The following MYLK variants were observed in gnomAD, a reference collection of about 807,000 sequenced individuals.
The protein encoded by MYLK is myosin light chain kinase, smooth muscle.
A neutral mutation model predicts 203.4 loss-of-function variants in MYLK; 106 were observed. That is an observed-to-expected ratio of 0.52 (90% confidence interval 0.45 to 0.61). The LOEUF (loss-of-function observed/expected upper bound fraction) is 0.61. MYLK is among the 20% of genes least tolerant of loss of function. The probability of loss-of-function intolerance (pLI) is 0.00; values close to 1 mark genes in which losing one functional copy is unlikely to be tolerated. For missense variants in MYLK, 2,072 were observed against 2,442.3 expected, an observed-to-expected ratio of 0.85 and a Z score of 3.20; for synonymous variants, 867 against 959.5, an observed-to-expected ratio of 0.90 and a Z score of 1.78.
chr3:123,832,958 A>G (rs1248471965), intron 2 of MYLK, among the ~76,000 whole-genome samples: 1 of 152,150 alleles, frequency 6.6e-6, no homozygotes, highest in African/African-American at 2.4e-5. Context: ...GGAGAGAGAG[A>G]GGGTGGAAAC....
chr3:123,690,026 G>A (rs1476306056), intron 19 of MYLK, among the ~76,000 whole-genome samples: 2 of 152,136 alleles, frequency 1.3e-5, no homozygotes, highest in African/African-American at 2.4e-5. Context: ...TCAGATGTAT[G>A]GTCTCGATGG....
intron 27 of MYLK, among the ~76,000 whole-genome samples, chr3:123,644,848 C>T (rs945688503): frequency 3.3e-5 from 5 of 152,080 alleles, no homozygotes; most frequent in Non-Finnish European, 7.4e-5. Flanking sequence ...AATTCTTCAC[C>T]GCGTCTTTTA....
chr3:123,650,626 T>A (rs1478679026), intron 24 of MYLK, among the ~76,000 whole-genome samples: 1 of 152,112 alleles, frequency 6.6e-6, no homozygotes. Flanking sequence ...TAAAAAAGGA[T>A]GAGATAGACA....
At chr3:123,662,934 A>G (rs1248962255) in intron 23 of MYLK, among the ~76,000 whole-genome samples, 1 of 152,090 alleles carries the variant, frequency 6.6e-6, no homozygotes, top group African/African-American at 2.4e-5. Context: ...TCTAATTTTC[A>G]CAAATGTACC....
chr3:123,806,870 G>A (rs1560242258), intron 3 of MYLK, among the ~76,000 whole-genome samples: 1 of 151,812 alleles, frequency 6.6e-6, no homozygotes, highest in Non-Finnish European at 1.5e-5. Context: ...TCAGCATGTT[G>A]GCCAGGCTGG....
At chr3:123,838,443 T>C (rs983574017) in intron 2 of MYLK, among the ~76,000 whole-genome samples, 3 of 152,130 alleles carry the variant, frequency 2.0e-5, no homozygotes, top group South Asian at 2.1e-4. Context: ...CAGACAGAAT[T>C]TGAATCCAAA....
In MYLK at chr3:123,752,496, C is replaced by T. The variant is rs779602599; in HGVS notation, c.208G>A (p.Gly70Arg). 36 of 1,613,948 alleles carry T rather than the reference C, an allele frequency of 2.2e-5. No individual in the cohort carries two copies. The highest frequency in any genetic ancestry group is 1.3e-4 in the Admixed American group (8 of 60,022). The change falls in exon 5 of 34, where the codon GGG becomes AGG. Residue 70 changes from glycine to arginine, a missense_variant. Physicochemically the swap from Gly to Arg is moderately radical, Grantham distance 125. This residue lies in a region of MYLK where 683 missense variants were observed against 643.8 expected (regional missense o/e 1.06). Coordinates refer to ENST00000360304, the MANE Select transcript of MYLK (RefSeq NM_053025.4). ...PEPQVTWHRN[G>R]QPITSGGRFL... Reference sequence around the variant, plus strand: ...CGGCCCCCGCTGGTGATGGGTTGCCCGTTTCTGTGCCATGTCACCTGGGGC... The same window carrying T: ...CGGCCCCCGCTGGTGATGGGTTGCCTGTTTCTGTGCCATGTCACCTGGGGC...
intron 2 of MYLK, among the ~76,000 whole-genome samples, chr3:123,856,708 A>G (rs2031406832): frequency 6.6e-6 from 1 of 152,194 alleles, no homozygotes; most frequent in Non-Finnish European, 1.5e-5. Context: ...GAATTCACAT[A>G]TGACTCCCAA....
At chr3:123,836,907 G>A (rs1393410381) in intron 2 of MYLK, among the ~76,000 whole-genome samples, 2 of 152,168 alleles carry the variant, frequency 1.3e-5, no homozygotes, top group Non-Finnish European at 2.9e-5. Context: ...AAAACACATG[G>A]AAACATAAAG....
intron 11 of MYLK, among the ~76,000 whole-genome samples, chr3:123,729,683 C>G (rs761947494): frequency 7.9e-5 from 12 of 152,018 alleles, no homozygotes; most frequent in South Asian, 2.1e-4. Context: ...GAGTTCAAGT[C>G]CAGCCTGGGC....
chr3:123,728,704 G>A (rs913918995), intron 11 of MYLK, among the ~76,000 whole-genome samples: 32 of 152,140 alleles, frequency 2.1e-4, no homozygotes, highest in Admixed American at 2.0e-3. Flanking sequence ...TCTGAAAACC[G>A]ACAGTACCTA....
chr3:123,676,159 A>T (rs2060066077), intron 20 of MYLK, among the ~76,000 whole-genome samples: 1 of 152,354 alleles, frequency 6.6e-6, no homozygotes, highest in African/African-American at 2.4e-5. Context: ...TATGGGAGAC[A>T]CTGGGTGAGT....
rs748330354 is a variant in MYLK, at chr3:123,664,179, T to C, written c.3911A>G (p.His1304Arg). The change falls in exon 23 of 34, where the codon CAC becomes CGC. Residue 1304 changes from histidine to arginine, a missense_variant. By Grantham distance (29) the His-to-Arg change is conservative. Coordinates refer to ENST00000360304, the MANE Select transcript of MYLK (RefSeq NM_053025.4). ...KLTILAARQEHCGCYTLLVEN... is the reference protein window; with the variant it reads ...KLTILAARQERCGCYTLLVEN... ...CACCAGCAGTGTGTAGCAGCCGCAG[T>C]GCTCCTGGCGCGCGGCCAGGATGGT... The C allele has an allele frequency of 1.2e-6, 2 of 1,614,164 alleles. No individual in the cohort carries two copies. Among genetic ancestry groups the C allele is most frequent in the Non-Finnish European group, 1.7e-6 (2 of 1,180,010 alleles).
At chr3:123,832,269 G>A (rs2066354184) in intron 2 of MYLK, among the ~76,000 whole-genome samples, 1 of 152,134 alleles carries the variant, frequency 6.6e-6, no homozygotes, top group African/African-American at 2.4e-5. Context: ...ACTCAGCCTG[G>A]CCCAGGCTCC....
In MYLK at chr3:123,700,987, G is replaced by C. The variant is rs1131691270; in HGVS notation, c.2481C>G (p.Ser827Arg). The C allele has an allele frequency of 3.1e-6, 5 of 1,605,886 alleles. No homozygotes were observed. The highest frequency in any genetic ancestry group is 4.2e-6 in the Non-Finnish European group (5 of 1,179,974). Residue 827 changes from serine (S) to arginine (R), a missense_variant, in exon 18 of 34, where the codon AGC becomes AGG. This residue lies in a region of MYLK where 865 missense variants were observed against 1,016.0 expected (regional missense o/e 0.85). Coordinates refer to ENST00000360304, the MANE Select transcript of MYLK (RefSeq NM_053025.4). ...CTCCTCCACCACAGAGGTCCTCGCA[G>C]CTGGCAGGCTCCCTCCCCCTGCAAC... ...RALPRGREPA[S>R]CEDLCGGGVG...
In MYLK at chr3:123,737,090, G is replaced by T. The variant is rs1023624683; in HGVS notation, c.754+288C>A. On this transcript the variant is annotated intron_variant, in intron 8 of 33. Coordinates refer to ENST00000360304, the MANE Select transcript of MYLK (RefSeq NM_053025.4). ...AAAAATCAGCCGGGCGTGGTGGTGT[G>T]TGCCTGTAGTCCCAGCCACTCAGGA... 3.3e-5 allele frequency among the ~76,000 whole-genome samples: 5 copies of T among 152,114 alleles called. No homozygotes were observed. The South Asian group carries it at 1.0e-3, about 32-fold the overall frequency.
chr3:123,883,836 C>A (rs1191174712), intron 1 of MYLK, among the ~76,000 whole-genome samples: 1 of 152,144 alleles, frequency 6.6e-6, no homozygotes, highest in Non-Finnish European at 1.5e-5. Context: ...CTGGAAGGAC[C>A]TTCACGTGGC....
intron 2 of MYLK, among the ~76,000 whole-genome samples, chr3:123,868,280 A>C (rs1398351676): frequency 6.6e-6 from 1 of 152,222 alleles, no homozygotes; most frequent in East Asian, 1.9e-4. Flanking sequence ...CTTTTGACCT[A>C]GCAATGCTTT....
intron 20 of MYLK, among the ~76,000 whole-genome samples, chr3:123,673,578 C>T (rs2059985775): frequency 6.6e-6 from 1 of 152,164 alleles, no homozygotes; most frequent in Admixed American, 6.5e-5. Context: ...TCTCATGTGG[C>T]ACCTGTGCTT....
Sources: gnomAD v4.1 joint callset for allele counts (sites outside exome capture counted in the v4.1 genomes callset) on GRCh38, gnomAD v4.1.1 for gene constraint, gnomAD v4.1.1 regional missense constraint, MANE v1.5 for transcripts, NCBI Gene and HGNC (gene_info 2026-07-23, HGNC 2026-07-21) for gene names.